The following ACOXL variants were observed in gnomAD, a reference collection of about 807,000 sequenced individuals.
ACOXL encodes acyl-CoA oxidase like.
Under a neutral mutation model 71.9 loss-of-function variants are expected in ACOXL, and 70 were observed. That is an observed-to-expected ratio of 0.97 (90% CI 0.80 to 1.19). The LOEUF (loss-of-function observed/expected upper bound fraction) is 1.19. ACOXL is among the 50% of genes most tolerant of loss of function. ACOXL has a pLI of 0.00. For synonymous variants in ACOXL, 253 were observed against 281.6 expected (o/e 0.90, Z 1.02); for missense variants, 703 against 736.3 (o/e 0.95, Z 0.52).
At chr2:110,898,361 G>A (rs1345249776) in intron 10 of ACOXL, among the ~76,000 whole-genome samples, 2 of 152,012 alleles carry the variant, frequency 1.3e-5, no homozygotes, top group African/African-American at 2.4e-5. Flanking sequence ...ATTAGGAAAT[G>A]GAATTTAGCA....
chr2:110,940,921 C>A (rs1386052669), intron 12 of ACOXL, among the ~76,000 whole-genome samples: 1 of 152,044 alleles, frequency 6.6e-6, no homozygotes, highest in Admixed American at 6.5e-5. Flanking sequence ...GGAATTAAAT[C>A]ATATTTTAGT....
chr2:111,041,697 C>A (rs75447149), intron 15 of ACOXL, among the ~76,000 whole-genome samples: 1 of 152,190 alleles, frequency 6.6e-6, no homozygotes, highest in African/African-American at 2.4e-5. Context: ...TAGGGGACAG[C>A]GTGCCACTGT....
chr2:110,942,016 G>A (rs991485409), intron 12 of ACOXL, among the ~76,000 whole-genome samples: 1 of 152,130 alleles, frequency 6.6e-6, no homozygotes, highest in Non-Finnish European at 1.5e-5. Context: ...AAAATAGAAT[G>A]CATGACAATA....
Position 110,987,173 on chromosome 2 carries a change from G to T in ACOXL, c.1125G>T (p.Leu375=). The change falls in exon 13 of 18, where the codon CTG becomes CTT. Residue 375 remains leucine (L), a synonymous_variant. Coordinates refer to ENST00000439055, the MANE Select transcript of ACOXL (RefSeq NM_001142807.4). The part of the protein sequence containing the change: ...KQYEEKPLFG[L]LQNWAESVGD... ...ATGAAGAAAAACCACTCTTTGGCCT[G>T]CTCCAAAACTGGGCTGAATCTGTGG... 1 of 1,579,498 alleles carries T rather than the reference G, an allele frequency of 6.3e-7. No individual in the cohort carries two copies. Among genetic ancestry groups the T allele is most frequent in the Non-Finnish European group, 8.6e-7 (1 of 1,159,620 alleles).
intron 12 of ACOXL, among the ~76,000 whole-genome samples, chr2:110,953,979 G>A (rs1386498374): frequency 6.6e-6 from 1 of 152,182 alleles, no homozygotes; most frequent in Admixed American, 6.5e-5. Flanking sequence ...GATTTGAGTG[G>A]GGACACAGAT....
rs1385200104 is a variant in ACOXL, at chr2:110,847,312, AC to A, written c.788+5908del. Among the ~76,000 whole-genome samples, 3 of 152,294 alleles carry A rather than the reference AC, an allele frequency of 2.0e-5. No homozygotes were observed. In the East Asian group the frequency reaches 5.8e-4, roughly 30 times the overall value. On this transcript the variant is annotated intron_variant, in intron 10 of 17. Coordinates refer to ENST00000439055, the MANE Select transcript of ACOXL (RefSeq NM_001142807.4). ...CCCCTGGGCCAAGATAAAAGAGGAA[AC>A]AGGCTCAGAGGTGAGCATCACCCCT...
intron 15 of ACOXL, among the ~76,000 whole-genome samples, chr2:111,043,459 G>A (rs1452093890): frequency 6.6e-6 from 1 of 152,202 alleles, no homozygotes; most frequent in Non-Finnish European, 1.5e-5. Flanking sequence ...GCTGTCTGGA[G>A]TGGCAGACAG....
chr2:110,845,159 C>T (rs774480652), intron 10 of ACOXL, among the ~76,000 whole-genome samples: 9 of 152,136 alleles, frequency 5.9e-5, no homozygotes, highest in South Asian at 2.1e-4. Context: ...AAGATGAAGG[C>T]GCCAGCAGGT....
At chr2:110,875,840 AC>A (rs1342542358) in intron 10 of ACOXL, among the ~76,000 whole-genome samples, 1 of 151,876 alleles carries the variant, frequency 6.6e-6, no homozygotes, top group Admixed American at 6.6e-5. Flanking sequence ...GGCATTTGTA[AC>A]CTCTACAATG....
At position 110,964,388 on chromosome 2, in the gene ACOXL, G is replaced by A. The variant is rs933686879; in HGVS notation, c.1060-22720G>A. Reference sequence around the variant, plus strand: ...GGGGAATTATATGGCTTTTAAAATAGTGCTTTCAGAGAGTGCTATTTATAA... The same window carrying A: ...GGGGAATTATATGGCTTTTAAAATAATGCTTTCAGAGAGTGCTATTTATAA... On this transcript the variant is annotated intron_variant, in intron 12 of 17. Coordinates refer to ENST00000439055, the MANE Select transcript of ACOXL (RefSeq NM_001142807.4). Among the ~76,000 whole-genome samples the A allele has an allele frequency of 3.3e-5, 5 of 152,196 alleles. No homozygotes were observed. The East Asian group carries it at 7.7e-4, about 23-fold the overall frequency.
chr2:110,920,505 G>A (rs952685749), intron 11 of ACOXL, among the ~76,000 whole-genome samples: 1 of 151,938 alleles, frequency 6.6e-6, no homozygotes, highest in Admixed American at 6.6e-5. Context: ...ATTTGCAAAT[G>A]TTTTCTCCAA....
At chr2:110,761,272 G>T (rs2104909560) in intron 1 of ACOXL, among the ~76,000 whole-genome samples, 1 of 151,852 alleles carries the variant, frequency 6.6e-6, no homozygotes, top group Admixed American at 6.6e-5. Flanking sequence ...AGCTTCTTTA[G>T]TCAGCTGCTG....
intron 9 of ACOXL, among the ~76,000 whole-genome samples, chr2:110,813,474 G>A (rs1005050186): frequency 3.3e-5 from 5 of 152,120 alleles, no homozygotes; most frequent in African/African-American, 9.7e-5. Context: ...CCGGGAGAAC[G>A]ATGCCCAGGC....
chr2:110,751,422 C>T (rs762617762), intron 1 of ACOXL, among the ~76,000 whole-genome samples: 5 of 151,994 alleles, frequency 3.3e-5, no homozygotes, highest in Non-Finnish European at 5.9e-5. Context: ...TGCTTTATCA[C>T]GTATTTGCCC....
chr2:110,915,419 TATATATATA>T (rs1558722038), intron 11 of ACOXL, among the ~76,000 whole-genome samples: 2 of 133,294 alleles, frequency 1.5e-5, no homozygotes, highest in African/African-American at 5.9e-5. Flanking sequence ...TATATATATA[TATATATATA>T]TTTTTTTTTT....
intron 10 of ACOXL, among the ~76,000 whole-genome samples, chr2:110,891,818 T>C (rs985451249): frequency 6.6e-6 from 1 of 152,028 alleles, no homozygotes; most frequent in Non-Finnish European, 1.5e-5. Flanking sequence ...CTATGTCAGG[T>C]CCAGTCCATG....
At chr2:111,002,210 A>T (rs1196430603) in intron 14 of ACOXL, among the ~76,000 whole-genome samples, 2 of 152,220 alleles carry the variant, frequency 1.3e-5, no homozygotes. Context: ...CCAACCATGC[A>T]ACCAAGATAT....
chr2:110,949,707 C>T (rs2061252698), intron 12 of ACOXL, among the ~76,000 whole-genome samples: 1 of 152,120 alleles, frequency 6.6e-6, no homozygotes, highest in Non-Finnish European at 1.5e-5. Flanking sequence ...TGAAGAAGCA[C>T]TAGGGACATG....
At chr2:110,985,062 G>A (rs1372618315) in intron 12 of ACOXL, among the ~76,000 whole-genome samples, 2 of 152,226 alleles carry the variant, frequency 1.3e-5, no homozygotes, top group East Asian at 3.8e-4. Flanking sequence ...CATTGCTTCT[G>A]CAGCAAGAGT....
Sources: gnomAD v4.1 joint callset for allele counts (sites outside exome capture counted in the v4.1 genomes callset) on GRCh38, gnomAD v4.1.1 for gene constraint, MANE v1.5 for transcripts, NCBI Gene and HGNC (gene_info 2026-07-23, HGNC 2026-07-21) for gene names.